Variants in ARHGEF1 observed in about 807,000 individuals in gnomAD.
ARHGEF1 encodes the protein 115 kDa guanine nucleotide exchange factor.
In ARHGEF1, 40 loss-of-function variants were observed where a neutral mutation model predicts 119.7. The observed-to-expected ratio is 0.33, with a 90% confidence interval of 0.26 to 0.44. The LOEUF is 0.44. Ranked by LOEUF, ARHGEF1 falls within the 20% of genes least tolerant of loss-of-function variation. The probability of loss-of-function intolerance (pLI) is 1.00; values close to 1 mark genes in which losing one functional copy is unlikely to be tolerated. For synonymous variants in ARHGEF1, 494 were observed against 521.0 expected (o/e 0.95, Z 0.71); for missense variants, 976 against 1,268.3 (o/e 0.77, Z 3.50).
At chr19:41,884,657 T>C (rs1458134456) in intron 1 of ARHGEF1, among the ~76,000 whole-genome samples, 2 of 152,040 alleles carry the variant, frequency 1.3e-5, no homozygotes, top group African/African-American at 2.4e-5. Flanking sequence ...CCTCATTCCG[T>C]ATAAAGTCTT....
intron 8 of ARHGEF1, among the ~76,000 whole-genome samples, chr19:41,893,858 T>C (rs1555846841): frequency 5.1e-5 from 3 of 59,300 alleles, no homozygotes; most frequent in African/African-American, 2.7e-4. Flanking sequence ...AGGAAGGGGC[T>C]GGGGGCCTGG....
chr19:41,884,419 G>A (rs781905593), intron 1 of ARHGEF1: 26 of 1,600,092 alleles, frequency 1.6e-5, no homozygotes, highest in East Asian at 2.2e-5. Flanking sequence ...CGGCAGGGGT[G>A]GGGAGAGTGC....
At chr19:41,891,311 C>T (rs782692627) in intron 4 of ARHGEF1, among the ~76,000 whole-genome samples, 3 of 152,120 alleles carry the variant, frequency 2.0e-5, no homozygotes, top group Admixed American at 6.5e-5. Context: ...GAAACAGTCT[C>T]GCTCTGTGTC....
intron 18 of ARHGEF1, among the ~76,000 whole-genome samples, chr19:41,915,950 G>A (rs986558068): frequency 1.1e-4 from 17 of 148,516 alleles, no homozygotes; most frequent in South Asian, 8.7e-4. Flanking sequence ...CCCCCCCGCC[G>A]GCCGGCGTGG....
At chr19:41,886,246 G>T (rs986893487) in intron 1 of ARHGEF1, among the ~76,000 whole-genome samples, 14 of 152,078 alleles carry the variant, frequency 9.2e-5, no homozygotes, top group African/African-American at 3.4e-4. Flanking sequence ...CATACTAAGT[G>T]TCTCTTTTGT....
chr19:41,909,291 A>G, downstream of ARHGEF1: 1 of 1,233,304 alleles, frequency 8.1e-7, no homozygotes, highest in East Asian at 3.2e-5. This position sits in a 1 kb window ranked among gnomAD's most constrained non-coding sequence, Gnocchi z 5.2. Context: ...GGGTGAGGGG[A>G]GGAGCATCTG....
In ARHGEF1 at chr19:41,913,321, C is replaced by G. The variant is rs976290175; in HGVS notation, c.1865+6518C>G. 2.0e-5 allele frequency among the ~76,000 whole-genome samples: 3 copies of G among 151,636 alleles called. No individual in the cohort carries two copies. The East Asian group carries it at 5.8e-4, about 30-fold the overall frequency. The stretch of plus-strand genomic sequence containing the variant: ...CCGTCTCTGCTGCCGTCTCCCGTCC[C>G]CGCTCTCCCGCCTGACCTCCCGGGT... On this transcript the variant is annotated intron_variant, in intron 18 of 20. Transcript: ENST00000599589.
Position 41,906,234 on chromosome 19 carries a change from T to C in ARHGEF1, c.2491+209T>C. 1.5e-6 allele frequency: 1 copy of C among 660,506 alleles called. No individual in the cohort carries two copies. The highest frequency in any genetic ancestry group is 2.6e-6 in the Non-Finnish European group (1 of 383,276). 40.9% of individuals were successfully genotyped at this position (660,506 alleles called of 1,614,324 possible). A position where few individuals can be genotyped will look rare whatever the true frequency, so the allele number is the denominator to read the frequency against. ...CTTGCTTGATTCTATATTTAGCCTC[T>C]TCCTGAACACATCTCTGTCTTCAGT... On this transcript the variant is annotated intron_variant, in intron 26 of 28. Transcript: ENST00000354532. The surrounding 1 kb of genome is among the most constrained non-coding windows in gnomAD (Gnocchi z 4.5).
At chr19:41,894,332 A>G (rs782295165) in intron 9 of ARHGEF1, 26 bp downstream of exon 9, 2 of 1,524,560 alleles carry the variant, frequency 1.3e-6, no homozygotes, top group South Asian at 2.6e-5. Flanking sequence ...CCCCGTCCTG[A>G]CCCTTTCCTC....
chr19:41,911,815 T>G (rs1186962579), downstream of ARHGEF1, among the ~76,000 whole-genome samples: 1 of 152,084 alleles, frequency 6.6e-6, no homozygotes, highest in African/African-American at 2.4e-5. Context: ...TCAAATATGT[T>G]GTACCTATGA....
At chr19:41,885,602 C>T (rs2074282607) in intron 1 of ARHGEF1, among the ~76,000 whole-genome samples, 1 of 152,170 alleles carries the variant, frequency 6.6e-6, no homozygotes, top group Non-Finnish European at 1.5e-5. Context: ...GCTGGGACTA[C>T]AGGCTCGTGC....
At chr19:41,929,121 C>T in intron 2 of ARHGEF1, 1 of 303,574 alleles carries the variant, frequency 3.3e-6, no homozygotes, top group South Asian at 2.5e-5. Flanking sequence ...GAAACACAAC[C>T]GGTACACGGA....
chr19:41,909,858 C>A, downstream of ARHGEF1: 1 of 1,605,008 alleles, frequency 6.2e-7, no homozygotes, highest in East Asian at 2.2e-5. This position sits in a 1 kb window ranked among gnomAD's most constrained non-coding sequence, Gnocchi z 5.2. Flanking sequence ...CAAGCCCTTC[C>A]TCACCGCAGG....
At chr19:41,884,979 T>C (rs2074272111) in intron 1 of ARHGEF1, among the ~76,000 whole-genome samples, 1 of 152,128 alleles carries the variant, frequency 6.6e-6, no homozygotes, top group Non-Finnish European at 1.5e-5. Context: ...CCAGAAGTTC[T>C]TGGAGACCCT....
At chr19:41,894,689 T>C in intron 11 of ARHGEF1, 28 bp downstream of exon 11, 2 of 1,612,978 alleles carry the variant, frequency 1.2e-6, no homozygotes, top group Non-Finnish European at 1.7e-6. Context: ...ATAGCATCCA[T>C]ACTGGGGGCC....
At chr19:41,914,054 C>G (rs1343918723) in intron 18 of ARHGEF1, among the ~76,000 whole-genome samples, 1 of 124,124 alleles carries the variant, frequency 8.1e-6, no homozygotes, top group Non-Finnish European at 1.6e-5. Flanking sequence ...GCAGCCCACA[C>G]TGTGTTCCCC....
chr19:41,900,479 A>C (rs2074583047), intron 14 of ARHGEF1, among the ~76,000 whole-genome samples: 1 of 152,182 alleles, frequency 6.6e-6, no homozygotes, highest in South Asian at 2.1e-4. Flanking sequence ...AATATGCATA[A>C]TGTACAAAAT....
chr19:41,907,372 AC>A lies in ARHGEF1; in HGVS notation c.*290del. ...TATTGCCTGTGGGGGCCACCCCTCC[AC>A]CCCCACCCCCAAGTGCCTTCGCTCT... On this transcript the variant is annotated 3_prime_UTR_variant, in exon 29 of 29. Transcript: ENST00000354532. 1 of 1,532,086 alleles carries A rather than the reference AC, an allele frequency of 6.5e-7. No individual in the cohort carries two copies. Among genetic ancestry groups the A allele is most frequent in the African/African-American group, 1.4e-5 (1 of 72,684 alleles). The allele number at this position is 1,532,086 out of a possible 1,614,324, so 94.9% of individuals were successfully genotyped here. A position where few individuals can be genotyped will look rare whatever the true frequency, so the allele number is the denominator to read the frequency against.
At chr19:41,920,397 A>G (rs782236116), upstream of ARHGEF1, among the ~76,000 whole-genome samples, 3 of 139,902 alleles carry the variant, frequency 2.1e-5, no homozygotes, top group Non-Finnish European at 3.1e-5. Context: ...ACATGCCCAG[A>G]TGTGACACAC....
Sources: allele counts gnomAD v4.1 joint callset (sites outside exome capture counted in the v4.1 genomes callset), GRCh38; gene constraint gnomAD v4.1.1; non-coding constraint Gnocchi (gnomAD v3.1); transcripts MANE v1.5; gene names NCBI Gene and HGNC (gene_info 2026-07-23, HGNC 2026-07-21).